The following BDKRB2 variants were observed in gnomAD, a reference collection of about 807,000 sequenced individuals.
BDKRB2 encodes the protein bradykinin receptor B2, also known as B2 bradykinin receptor.
Under a neutral mutation model 4.0 loss-of-function variants are expected in BDKRB2, and 6 were observed. The observed-to-expected ratio is 1.49, with a 90% CI of 0.81 to 2.93. The LOEUF (loss-of-function observed/expected upper bound fraction) is 2.93. Ranked by LOEUF, BDKRB2 falls within the 30% of genes most tolerant of loss-of-function variation. The pLI is 0.00. For synonymous variants in BDKRB2, 225 were observed against 215.3 expected, an observed-to-expected ratio of 1.05 and a Z score of -0.40; for missense variants, 478 against 520.1, an observed-to-expected ratio of 0.92 and a Z score of 0.79.
At chr14:96,220,309 G>A (rs1890529279) in intron 1 of BDKRB2, among the ~76,000 whole-genome samples, 1 of 151,976 alleles carries the variant, frequency 6.6e-6, no homozygotes, top group African/African-American at 2.4e-5. Context: ...TTATGCCAGG[G>A]GTCTCAAAGG....
chr14:96,210,316 T>A (rs1890276320), intron 1 of BDKRB2, among the ~76,000 whole-genome samples: 1 of 152,098 alleles, frequency 6.6e-6, no homozygotes, highest in African/African-American at 2.4e-5. Context: ...GCTTAGTGCG[T>A]TTGGGGTCTG....
At chr14:96,240,005 G>C in intron 2 of BDKRB2, 1 of 1,002,496 alleles carries the variant, frequency 1.0e-6, no homozygotes, top group Non-Finnish European at 1.2e-6. Flanking sequence ...CCCACCACAC[G>C]GCTTTGAGAG....
In BDKRB2 at chr14:96,243,916, ACT is replaced by A; in HGVS notation, c.*2417_*2418del. The A allele has an allele frequency of 2.8e-6, 1 of 358,888 alleles. No individual in the cohort carries two copies. The highest frequency in any genetic ancestry group is 4.9e-6 in the Non-Finnish European group (1 of 202,364). The allele number at this position is 358,888 out of a possible 1,614,324, so 22.2% of individuals were successfully genotyped here. On this transcript the variant is annotated 3_prime_UTR_variant, in exon 3 of 3. Coordinates refer to ENST00000554311, the MANE Select transcript of BDKRB2 (RefSeq NM_001379692.1). ...GCACCAGAGCACGTGATGGTCTGAG[ACT>A]CTCTTAGGAGCAGAGCTCTGCCGCA...
At position 96,242,377 on chromosome 14, in the gene BDKRB2, G is replaced by A. The variant is rs765071398; in HGVS notation, c.*873G>A. The A allele has an allele frequency of 6.6e-6, 1 of 152,244 alleles. No individual in the cohort carries two copies. The highest frequency in any genetic ancestry group is 2.4e-5 in the African/African-American group (1 of 41,460). The allele number at this position is 152,244 out of a possible 1,614,324, so 9.4% of individuals were successfully genotyped here. A position where few individuals can be genotyped will look rare whatever the true frequency, so the allele number is the denominator to read the frequency against. On this transcript the variant is annotated 3_prime_UTR_variant, in exon 3 of 3. Transcript: ENST00000554311. Reference sequence around the variant, plus strand: ...CTTCTGTAACATGAAGTCGTTGTGAGGGTTAAAGGCAGTAACAGGTATAAA... The same window carrying A: ...CTTCTGTAACATGAAGTCGTTGTGAAGGTTAAAGGCAGTAACAGGTATAAA...
At chr14:96,223,320 C>CCCA in intron 1 of BDKRB2, 2 of 1,053,870 alleles carry the variant, frequency 1.9e-6, no homozygotes, top group South Asian at 2.5e-5. Context: ...TGTTCCGGCG[C>CCCA]CCACCACCCA....
At chr14:96,219,502 T>A (rs1016739999) in intron 1 of BDKRB2, among the ~76,000 whole-genome samples, 10 of 151,350 alleles carry the variant, frequency 6.6e-5, no homozygotes, top group Non-Finnish European at 1.3e-4. Context: ...TTCTCTGGGC[T>A]GACAGAGGAG....
chr14:96,214,556 G>A (rs1435166026), intron 1 of BDKRB2: 2 of 152,300 alleles, frequency 1.3e-5, no homozygotes, highest in Non-Finnish European at 1.5e-5. Flanking sequence ...CACCCCTGGT[G>A]AGACTCCCTC....
intron 1 of BDKRB2, among the ~76,000 whole-genome samples, chr14:96,215,481 A>AG (rs1555359858): frequency 1.9e-4 from 29 of 150,334 alleles, no homozygotes; most frequent in African/African-American, 6.6e-4. Flanking sequence ...CAAAAAAAAA[A>AG]GGGAGGGGGT....
In BDKRB2 at chr14:96,241,391, G is replaced by A. The variant is rs374332188; in HGVS notation, c.1063G>A (p.Gly355Ser). 1.9e-6 allele frequency: 3 copies of A among 1,612,840 alleles called. No individual in the cohort carries two copies. Among genetic ancestry groups the A allele is most frequent in the Non-Finnish European group, 2.5e-6 (3 of 1,179,972 alleles). The change falls in exon 3 of 3, where the codon GGC (glycine) becomes AGC (serine). Residue 355 changes from glycine (G) to serine (S), a missense_variant. By Grantham distance (56) the Gly-to-Ser change is moderately conservative. Transcript: ENST00000554311. ...GTACCAGGGAGTGTGCCAGAAAGGG[G>A]GCTGCAGGTCAGAACCCATTCAGAT... ...EVYQGVCQKGGCRSEPIQMEN... is the reference protein window; with the variant it reads ...EVYQGVCQKGSCRSEPIQMEN...
At chr14:96,221,870 C>G (rs1890571617) in intron 1 of BDKRB2, among the ~76,000 whole-genome samples, 1 of 151,854 alleles carries the variant, frequency 6.6e-6, no homozygotes. Flanking sequence ...AAAACAGTTT[C>G]CCACTCAATC....
chr14:96,237,730 G>A, intron 2 of BDKRB2: 1 of 1,289,670 alleles, frequency 7.8e-7, no homozygotes, highest in Non-Finnish European at 1.0e-6. Context: ...TGCCTATGAT[G>A]AAGATGAGCA....
chr14:96,222,759 A>G (rs1849489907), intron 1 of BDKRB2, among the ~76,000 whole-genome samples: 1 of 152,124 alleles, frequency 6.6e-6, no homozygotes, highest in Non-Finnish European at 1.5e-5. Context: ...TTGAAGAGTT[A>G]GCAGGAAAAA....
At chr14:96,218,928 A>G (rs1368260517) in intron 1 of BDKRB2, among the ~76,000 whole-genome samples, 1 of 150,822 alleles carries the variant, frequency 6.6e-6, no homozygotes, top group Admixed American at 6.6e-5. Context: ...CAAAAAAAAC[A>G]AACAAACGAA....
chr14:96,229,919 G>A (rs1248719949), intron 1 of BDKRB2, among the ~76,000 whole-genome samples: 3 of 152,008 alleles, frequency 2.0e-5, no homozygotes, highest in Non-Finnish European at 4.4e-5. Context: ...ATGAGGTCAG[G>A]AGATCAAGAC....
chr14:96,241,111 G>T lies in BDKRB2; in HGVS notation c.783G>T (p.Glu261Asp). The change falls in exon 3 of 3, where the codon GAG becomes GAT. Residue 261 changes from glutamate to aspartate, a missense_variant. By Grantham distance (45) the Glu-to-Asp change is conservative. Transcript: ENST00000554311. ...ACAACGAGATGCAGAAGTTCAAGGA[G>T]ATCCAGACAGAGAGGAGGGCCACGG... ...LRNNEMQKFK[E>D]IQTERRATVL... is the part of the protein sequence containing the mutation. 6.2e-7 allele frequency: 1 copy of T among 1,613,738 alleles called. No homozygotes were observed. The highest frequency in any genetic ancestry group is 8.5e-7 in the Non-Finnish European group (1 of 1,179,922).
chr14:96,239,926 G>T (rs914627384), intron 2 of BDKRB2: 5 of 986,118 alleles, frequency 5.1e-6, no homozygotes, highest in Non-Finnish European at 6.0e-6. Flanking sequence ...GCTGGCCATG[G>T]TCTCCAAGCC....
intron 1 of BDKRB2, chr14:96,223,068 G>T: frequency 3.5e-6 from 3 of 865,886 alleles, no homozygotes; most frequent in Non-Finnish European, 5.8e-6. Context: ...TTGCTTGGAG[G>T]TTGGCGGCAC....
chr14:96,223,572 G>A (rs1364271594), intron 1 of BDKRB2, among the ~76,000 whole-genome samples: 2 of 152,098 alleles, frequency 1.3e-5, no homozygotes, highest in African/African-American at 4.8e-5. Context: ...CCTCAGCTGA[G>A]TGTGACCCTA....
intron 2 of BDKRB2, chr14:96,239,541 T>C: frequency 4.1e-6 from 4 of 985,402 alleles, no homozygotes; most frequent in Non-Finnish European, 3.6e-6. Context: ...CAAACGGTGG[T>C]GTTGGAGTTT....
Sources: gnomAD v4.1 joint callset for allele counts (sites outside exome capture counted in the v4.1 genomes callset) on GRCh38, gnomAD v4.1.1 for gene constraint, MANE v1.5 for transcripts, NCBI Gene and HGNC (gene_info 2026-07-23, HGNC 2026-07-21) for gene names.